Variants in XKR9 observed in about 807,000 individuals in gnomAD.
XKR9 encodes XK-related protein 9.
XKR9 carries 32 observed loss-of-function variants against 32.0 expected under a neutral mutation model. The ratio of observed to expected loss-of-function variants is 1.00; its 90% confidence interval spans 0.76 to 1.34. The LOEUF (loss-of-function observed/expected upper bound fraction) is 1.34. XKR9 is among the 40% of genes most tolerant of loss of function. The pLI is 0.00. For synonymous variants in XKR9, 168 were observed against 143.4 expected (o/e 1.17, Z -1.22); for missense variants, 546 against 429.7 (o/e 1.27, Z -2.39).
the XKR9 span, among the ~76,000 whole-genome samples, chr8:70,951,920 T>A: frequency 1.3e-5 from 2 of 151,470 alleles, no homozygotes; most frequent in East Asian, 3.9e-4. Flanking sequence ...GACCCTGTAG[T>A]CTATAACTCA....
At position 70,761,151 on chromosome 8, in the gene XKR9, G is replaced by A. The variant is rs190243780; in HGVS notation, n.353-28188G>A. On this transcript the variant is annotated intron_variant and non_coding_transcript_variant, in intron 2 of 3. Transcript: ENST00000520273. ...AGGTTGATTCCATGTCTTTGCTATT[G>A]TAAATAGTGCTGCAATGAACATACA... Among the ~76,000 whole-genome samples, 224 of 152,250 alleles carry A rather than the reference G, an allele frequency of 1.5e-3. 3 individuals carry two copies. Among genetic ancestry groups the A allele is most frequent in the Middle Eastern group, 3.4e-3 (1 of 294 alleles).
In XKR9 at chr8:70,769,247, G is replaced by A. The variant is rs1416167290; in HGVS notation, n.353-20092G>A. On this transcript the variant is annotated intron_variant and non_coding_transcript_variant, in intron 2 of 3. Transcript: ENST00000520273. Reference sequence around the variant, plus strand: ...AAAAATCTTTTTTTTTTTTTTTTAAGAATGTTGAATATTGGCCCCCACTGT... The same window carrying A: ...AAAAATCTTTTTTTTTTTTTTTTAAAAATGTTGAATATTGGCCCCCACTGT... 2.1e-5 allele frequency among the ~76,000 whole-genome samples: 3 copies of A among 144,898 alleles called. No individual in the cohort carries two copies. In the Admixed American group the frequency reaches 2.1e-4, roughly 10 times the overall value.
intron 2 of XKR9, among the ~76,000 whole-genome samples, chr8:70,764,469 G>T (rs1035453433): frequency 3.3e-5 from 5 of 152,120 alleles, no homozygotes; most frequent in East Asian, 1.9e-4. Context: ...CACTGGCAAA[G>T]AAAAGAATAA....
chr8:70,806,768 A>T, the XKR9 span, among the ~76,000 whole-genome samples: 3 of 152,184 alleles, frequency 2.0e-5, no homozygotes, highest in Admixed American at 6.5e-5. Context: ...GGGACTTCAT[A>T]AAAAGACAAA....
chr8:71,050,663 A>G, the XKR9 span, among the ~76,000 whole-genome samples: 1 of 152,158 alleles, frequency 6.6e-6, no homozygotes, highest in African/African-American at 2.4e-5. Flanking sequence ...GATGACTCCA[A>G]TGCTGAGGTT....
intron 2 of XKR9, among the ~76,000 whole-genome samples, chr8:70,784,058 T>C (rs1289140381): frequency 6.6e-6 from 1 of 152,208 alleles, no homozygotes; most frequent in African/African-American, 2.4e-5. Context: ...TCTGCTGTTC[T>C]ATATGTCTAC....
At chr8:71,051,195 T>A in the XKR9 span, among the ~76,000 whole-genome samples, 20 of 152,320 alleles carry the variant, frequency 1.3e-4, 1 homozygote, top group East Asian at 3.5e-3. Context: ...CTGTGTCATG[T>A]TAAGGTTATT....
At chr8:70,909,139 T>C in the XKR9 span, among the ~76,000 whole-genome samples, 2 of 152,220 alleles carry the variant, frequency 1.3e-5, no homozygotes, top group African/African-American at 2.4e-5. Flanking sequence ...ATCAATCTTC[T>C]ACACTGCCAC....
the XKR9 span, among the ~76,000 whole-genome samples, chr8:70,904,148 A>T: frequency 6.6e-6 from 1 of 152,170 alleles, no homozygotes; most frequent in African/African-American, 2.4e-5. Context: ...CTTGGTGCAG[A>T]GCTGAGTTCA....
chr8:70,880,658 G>A, the XKR9 span, among the ~76,000 whole-genome samples: 17 of 152,252 alleles, frequency 1.1e-4, no homozygotes, highest in East Asian at 2.3e-3. Context: ...CATGCTCATC[G>A]ATAGGAAGAA....
chr8:70,926,039 GAAAAAATA>G, the XKR9 span, among the ~76,000 whole-genome samples: 4 of 152,056 alleles, frequency 2.6e-5, no homozygotes, highest in African/African-American at 9.7e-5. Flanking sequence ...TGTTATACTG[GAAAAAATA>G]TACCACATAT....
At chr8:70,779,318 A>G (rs180679942) in intron 2 of XKR9, among the ~76,000 whole-genome samples, 4 of 152,278 alleles carry the variant, frequency 2.6e-5, no homozygotes, top group African/African-American at 9.6e-5. Flanking sequence ...TTCGTGGTGG[A>G]TAAGCTTTTT....
At chr8:70,761,378 T>G (rs970641929) in intron 2 of XKR9, among the ~76,000 whole-genome samples, 1 of 152,258 alleles carries the variant, frequency 6.6e-6, no homozygotes, top group African/African-American at 2.4e-5. Context: ...GCATTTTTTT[T>G]TGACTTTTTA....
the XKR9 span, among the ~76,000 whole-genome samples, chr8:70,883,134 A>G: frequency 1.4e-5 from 2 of 147,458 alleles, no homozygotes; most frequent in Non-Finnish European, 3.0e-5. Context: ...CCCCTTCCCA[A>G]CCTCCCCCAA....
At chr8:71,003,258 G>A in the XKR9 span, among the ~76,000 whole-genome samples, 3,050 of 152,212 alleles carry the variant, frequency 0.02, 101 homozygotes, top group African/African-American at 0.069. Flanking sequence ...ACATATAAAT[G>A]TCTCATGGTA....
At chr8:70,776,913 T>TCCTCTCTCTCTCTCTC in intron 2 of XKR9, among the ~76,000 whole-genome samples, 1 of 76,914 alleles carries the variant, frequency 1.3e-5, no homozygotes, top group Non-Finnish European at 2.4e-5. Flanking sequence ...TTAGCAGGTT[T>TCCTCTCTCTCTCTCTC]TCTCTTTCTT....
chr8:70,999,040 A>G, the XKR9 span, among the ~76,000 whole-genome samples: 590 of 152,158 alleles, frequency 3.9e-3, 6 homozygotes, highest in African/African-American at 0.013. Flanking sequence ...ACTGTAGTAT[A>G]AATCTGTTGG....
At chr8:70,981,096 T>C in the XKR9 span, among the ~76,000 whole-genome samples, 3 of 152,210 alleles carry the variant, frequency 2.0e-5, no homozygotes, top group Non-Finnish European at 4.4e-5. Flanking sequence ...TGATTTTAGA[T>C]AGCCTGATGG....
chr8:70,839,258 A>G, the XKR9 span, among the ~76,000 whole-genome samples: 2 of 152,118 alleles, frequency 1.3e-5, no homozygotes, highest in African/African-American at 2.4e-5. Context: ...GGCTACACCA[A>G]CTGTACCTAC....
Sources: gnomAD v4.1 joint callset for allele counts (sites outside exome capture counted in the v4.1 genomes callset) on GRCh38, gnomAD v4.1.1 for gene constraint, MANE v1.5 for transcripts, NCBI Gene and HGNC (gene_info 2026-07-23, HGNC 2026-07-21) for gene names.